The following TJP3 variants were observed in gnomAD, a reference collection of about 807,000 sequenced individuals.
TJP3 encodes the protein tight junction protein ZO-3.
TJP3 carries 85 observed loss-of-function variants against 104.2 expected under a neutral mutation model. That is an observed-to-expected ratio of 0.82 (90% CI 0.68 to 0.98). The LOEUF (loss-of-function observed/expected upper bound fraction) is 0.98, where lower values mean the gene tolerates loss of function less well. Among genes scored for constraint, TJP3 ranks in the 50% least tolerant of loss-of-function variants. The pLI is 0.00. For synonymous variants in TJP3, 550 were observed against 550.6 expected (o/e 1.00, Z 0.02); for missense variants, 1,367 against 1,322.8 (o/e 1.03, Z -0.52).
Position 3,747,992 on chromosome 19 carries a change from G to T in TJP3, c.2521G>T (p.Ala841Ser). The change falls in exon 19 of 21, where the codon GCC (alanine) becomes TCC (serine). Residue 841 changes from alanine (A) to serine (S), a missense_variant. Physicochemically the swap from Ala to Ser is moderately conservative, Grantham distance 99. Coordinates refer to ENST00000541714, the MANE Select transcript of TJP3 (RefSeq NM_001267560.2). ...TGTGGATGATGAGCCCCCGGCTCCA[G>T]CCCTGGCCCGGTCCTCGGAGCCCGT... is the stretch of plus-strand genomic sequence containing the variant. ...TDVDDEPPAP[A>S]LARSSEPVQA... 1 of 1,611,384 alleles carries T rather than the reference G, an allele frequency of 6.2e-7. No individual in the cohort carries two copies.
At chr19:3,718,034 T>G (rs948939756) in intron 1 of TJP3, among the ~76,000 whole-genome samples, 10 of 150,762 alleles carry the variant, frequency 6.6e-5, no homozygotes, top group Admixed American at 6.6e-4. Flanking sequence ...GCTAACACGG[T>G]GAAACCCCAT....
chr19:3,732,060 TGA>T, intron 6 of TJP3, 22 bp downstream of exon 6: 1 of 1,602,344 alleles, frequency 6.2e-7, no homozygotes, highest in East Asian at 2.2e-5. Context: ...CTTCTTGTCC[TGA>T]GAGCAGGGAG....
intron 1 of TJP3, among the ~76,000 whole-genome samples, chr19:3,710,616 A>C (rs1177969161): frequency 1.3e-5 from 2 of 152,268 alleles, no homozygotes; most frequent in East Asian, 3.9e-4. Context: ...GTGTTTGCTC[A>C]GGGTGGAACC....
At chr19:3,725,294 A>G (rs935082915) in intron 1 of TJP3, among the ~76,000 whole-genome samples, 1 of 151,588 alleles carries the variant, frequency 6.6e-6, no homozygotes, top group Non-Finnish European at 1.5e-5. Flanking sequence ...CAACCAACCA[A>G]CCAAAAAAGA....
chr19:3,724,212 T>C (rs182224807), intron 1 of TJP3, among the ~76,000 whole-genome samples: 1 of 152,100 alleles, frequency 6.6e-6, no homozygotes, highest in African/African-American at 2.4e-5. Context: ...TTTTTTTTTT[T>C]TGAGACGGAG....
In TJP3 at chr19:3,711,542, C is replaced by T. The variant is rs149747605; in HGVS notation, c.-10+2981C>T. Among the ~76,000 whole-genome samples, 68 of 149,368 alleles carry T rather than the reference C, an allele frequency of 4.6e-4. 3 individuals are homozygous for T. The East Asian group carries it at 0.012, about 26-fold the overall frequency. On this transcript the variant is annotated intron_variant, in intron 1 of 20. Coordinates refer to ENST00000541714, the MANE Select transcript of TJP3 (RefSeq NM_001267560.2). ...TAAATGCTGGCCTGAAGACATTTGG[C>T]TTTATGATATTAAAGGATATTTTTT...
rs535442053 is a variant in TJP3, at chr19:3,716,602, C to T, written c.-10+8041C>T. ...GTAAACATGGCCCGGGAGCCCCATT[C>T]ACTGCTAGGACTTTAACCCACTTAT... On this transcript the variant is annotated intron_variant, in intron 1 of 20. Coordinates refer to ENST00000541714, the MANE Select transcript of TJP3 (RefSeq NM_001267560.2). Among the ~76,000 whole-genome samples the T allele has an allele frequency of 3.4e-5, 5 of 146,814 alleles. No homozygotes were observed. In the Admixed American group the frequency reaches 3.5e-4, roughly 10 times the overall value.
intron 1 of TJP3, among the ~76,000 whole-genome samples, chr19:3,716,039 G>A (rs958535043): frequency 1.5e-4 from 23 of 149,534 alleles, no homozygotes; most frequent in Non-Finnish European, 2.7e-4. Context: ...TCAGCCTCCC[G>A]AAGTGCTGGG....
chr19:3,745,984 G>GCTGC, intron 15 of TJP3, 27 bp from the exon 16 acceptor site: 1 of 1,575,158 alleles, frequency 6.3e-7, no homozygotes, highest in Non-Finnish European at 8.6e-7. Context: ...CCCTCCTGAA[G>GCTGC]CTGCTGGTCC....
intron 1 of TJP3, among the ~76,000 whole-genome samples, chr19:3,718,491 C>A: frequency 6.7e-6 from 1 of 149,688 alleles, no homozygotes. Context: ...GCGGGGTGGA[C>A]AGGGCCTCAC....
intron 1 of TJP3, among the ~76,000 whole-genome samples, chr19:3,719,969 C>G (rs1447926495): frequency 1.3e-5 from 2 of 152,148 alleles, no homozygotes; most frequent in Non-Finnish European, 2.9e-5. Flanking sequence ...TGGTCTCAAA[C>G]TCCTGGCCTC....
At chr19:3,736,110 G>A in intron 10 of TJP3, 55 bp from the exon 11 acceptor site, 1 of 1,563,528 alleles carries the variant, frequency 6.4e-7, no homozygotes, top group South Asian at 1.2e-5. Context: ...ACAATGCTGA[G>A]CCCTCCCTTT....
chr19:3,740,804 C>T lies in TJP3; in HGVS notation c.1843+41C>T. The T allele has an allele frequency of 4.7e-6, 7 of 1,485,634 alleles. No homozygotes were observed. The South Asian group carries it at 6.8e-5, about 14-fold the overall frequency. 92.0% of individuals were successfully genotyped at this position (1,485,634 alleles called of 1,614,324 possible). ...GGAGGGGCCCTGGGGAGGCCTCACACACAGCTCCTGGTGCACCTGTTCACT... is the reference window on the plus strand; with the variant it reads ...GGAGGGGCCCTGGGGAGGCCTCACATACAGCTCCTGGTGCACCTGTTCACT... On this transcript the variant is annotated intron_variant, in intron 14 of 20. Coordinates refer to ENST00000541714, the MANE Select transcript of TJP3 (RefSeq NM_001267560.2).
At chr19:3,717,974 G>A (rs2036497463) in intron 1 of TJP3, among the ~76,000 whole-genome samples, 1 of 150,432 alleles carries the variant, frequency 6.6e-6, no homozygotes, top group South Asian at 2.1e-4. Flanking sequence ...CCAGCACTTA[G>A]GGAGGCCGAG....
chr19:3,715,215 G>A lies in TJP3; in HGVS notation c.-10+6654G>A, dbSNP rs1055595807. On this transcript the variant is annotated intron_variant, in intron 1 of 20. Transcript: ENST00000541714. ...CGCCATTCTCCTGCCTCAGCCTCCC[G>A]AGTAGCTGGGACTACAGGCGCCCGC... 4.0e-5 allele frequency among the ~76,000 whole-genome samples: 6 copies of A among 151,350 alleles called. No individual in the cohort carries two copies. The East Asian group carries it at 5.9e-4, about 15-fold the overall frequency.
intron 1 of TJP3, among the ~76,000 whole-genome samples, chr19:3,717,430 ATTT>A (rs1301981469): frequency 7.8e-6 from 1 of 128,068 alleles, no homozygotes; most frequent in East Asian, 2.4e-4. Context: ...TATATATATA[ATTT>A]TATTTTTTTT....
chr19:3,719,699 A>G lies in TJP3; in HGVS notation c.-9-8725A>G, dbSNP rs570034580. ...TGCAGTGAGCCGAGATCGTGCCTGC[A>G]GTCCAGCTGGGCGACAGAGCGAGAC... On this transcript the variant is annotated intron_variant, in intron 1 of 20. Coordinates refer to ENST00000541714, the MANE Select transcript of TJP3 (RefSeq NM_001267560.2). Among the ~76,000 whole-genome samples the G allele has an allele frequency of 2.1e-5, 3 of 145,094 alleles. No individual in the cohort carries two copies. The South Asian group carries it at 6.6e-4, about 32-fold the overall frequency.
chr19:3,725,980 C>T (rs1229064790), intron 1 of TJP3, among the ~76,000 whole-genome samples: 1 of 152,230 alleles, frequency 6.6e-6, no homozygotes, highest in Non-Finnish European at 1.5e-5. Flanking sequence ...CTGTTTCTCT[C>T]CCCTCCACCC....
Position 3,730,368 on chromosome 19 carries a change from C to T in TJP3, c.275C>T (p.Pro92Leu), listed in dbSNP as rs773849019. Residue 92 changes from proline (P) to leucine (L), a missense_variant, in exon 5 of 21, where the codon CCC (proline) becomes CTC (leucine). By Grantham distance (98) the Pro-to-Leu change is moderately conservative (BLOSUM62 -3). Transcript: ENST00000541714. This position sits in a 1 kb window ranked among gnomAD's most constrained non-coding sequence, Gnocchi z 7.3. ...TKMANITVKR[P>L]RRIHLPATKA... ...CTCCTCTAACAGACAGTGAAACGTC[C>T]CCGGAGGATCCACCTGCCCGCCACC... The T allele has an allele frequency of 2.6e-6, 4 of 1,537,028 alleles. No individual in the cohort carries two copies. The highest frequency in any genetic ancestry group is 2.1e-4 in the Middle Eastern group (1 of 4,812).
Sources: allele counts gnomAD v4.1 joint callset (sites outside exome capture counted in the v4.1 genomes callset), GRCh38; gene constraint gnomAD v4.1.1; non-coding constraint Gnocchi (gnomAD v3.1); transcripts MANE v1.5; gene names NCBI Gene and HGNC (gene_info 2026-07-23, HGNC 2026-07-21).